Variants in NCOR2 observed in about 807,000 individuals in gnomAD.
NCOR2 encodes nuclear receptor corepressor 2.
In NCOR2, 81 loss-of-function variants were observed where a neutral mutation model predicts 262.9. The ratio of observed to expected loss-of-function variants is 0.31; its 90% CI spans 0.26 to 0.37. The LOEUF (loss-of-function observed/expected upper bound fraction) is 0.37, where lower values mean the gene tolerates loss of function less well. NCOR2 is among the 10% of genes least tolerant of loss of function. The probability of loss-of-function intolerance (pLI) is 1.00; values close to 1 mark genes in which losing one functional copy is unlikely to be tolerated. For synonymous variants in NCOR2, 1,659 were observed against 1,559.3 expected (o/e 1.06, Z -1.51); for missense variants, 3,385 against 3,621.4 (o/e 0.93, Z 1.68).
chr12:124,520,716 A>C (rs1189092609), intron 1 of NCOR2, among the ~76,000 whole-genome samples: 2 of 152,208 alleles, frequency 1.3e-5, no homozygotes, highest in African/African-American at 4.8e-5. Context: ...ACTCATATTC[A>C]GAATAAGCCA....
chr12:124,452,856 C>A (rs955633058), intron 6 of NCOR2, among the ~76,000 whole-genome samples: 9 of 152,296 alleles, frequency 5.9e-5, no homozygotes, highest in East Asian at 3.9e-4. Context: ...CGGTGAGGGG[C>A]CCACAAGGCG....
chr12:124,414,929 T>C (rs1330828829), intron 13 of NCOR2, among the ~76,000 whole-genome samples: 1 of 152,044 alleles, frequency 6.6e-6, no homozygotes, highest in Non-Finnish European at 1.5e-5. Context: ...GTGTGCTCCA[T>C]GGCCAGGGAT....
chr12:124,325,492 G>A lies in NCOR2; in HGVS notation c.7455C>T (p.Ser2485=), dbSNP rs753152333. 4.6e-5 allele frequency: 62 copies of A among 1,359,714 alleles called. No homozygotes were observed. The Middle Eastern group carries it at 1.5e-3, about 33-fold the overall frequency. 84.2% of individuals were successfully genotyped at this position (1,359,714 alleles called of 1,614,324 possible). A position where few individuals can be genotyped will look rare whatever the true frequency, so the allele number is the denominator to read the frequency against. ...CGTGGTGGGGGCCAGCGAGGGGCCC[G>A]CTGCCCGCGGGGAGGCCCGGTGGGG... The change falls in exon 47 of 47, where the codon AGC becomes AGT. Residue 2485 remains serine (S), a synonymous_variant. Coordinates refer to ENST00000405201, the Ensembl canonical transcript of NCOR2.
chr12:124,355,970 A>G (rs543816043), intron 23 of NCOR2, among the ~76,000 whole-genome samples: 1 of 152,130 alleles, frequency 6.6e-6, no homozygotes, highest in Middle Eastern at 3.2e-3. Context: ...CTCAGGAGAA[A>G]GTCTTAGCCC....
intron 7 of NCOR2, among the ~76,000 whole-genome samples, chr12:124,447,189 ACAGG>A (rs1283197735): frequency 6.6e-6 from 1 of 152,254 alleles, no homozygotes; most frequent in Non-Finnish European, 1.5e-5. Context: ...CGCGGGGATT[ACAGG>A]CGTGAGCCAC....
At chr12:124,335,074 C>G in intron 40 of NCOR2, 61 bp downstream of exon 42, 1 of 1,611,092 alleles carries the variant, frequency 6.2e-7, no homozygotes, top group South Asian at 1.1e-5. Context: ...CCCATCCCCT[C>G]TCCAGGCCTG....
chr12:124,374,567 C>A (rs967884861), intron 18 of NCOR2, 104 bp from the exon 21 acceptor site: 17 of 1,070,170 alleles, frequency 1.6e-5, no homozygotes, highest in Non-Finnish European at 2.3e-5. Context: ...CAGTGCACAG[C>A]AGTGAGGCCT....
At chr12:124,407,737 C>T (rs1242230735) in intron 13 of NCOR2, among the ~76,000 whole-genome samples, 1 of 152,248 alleles carries the variant, frequency 6.6e-6, no homozygotes, top group Non-Finnish European at 1.5e-5. Flanking sequence ...AACCCAGCAA[C>T]ACCGTCTGTG....
chr12:124,362,902 A>G (rs57249450), intron 21 of NCOR2, among the ~76,000 whole-genome samples: 1 of 130,628 alleles, frequency 7.7e-6, no homozygotes, highest in African/African-American at 3.0e-5. Flanking sequence ...GCTGCCTGGT[A>G]GTGAACAGGG....
At chr12:124,458,073 G>A (rs928455992) in intron 5 of NCOR2, among the ~76,000 whole-genome samples, 4 of 152,226 alleles carry the variant, frequency 2.6e-5, no homozygotes, top group East Asian at 1.9e-4. Flanking sequence ...GCTGGCACGC[G>A]GGCGAGCCCC....
chr12:124,408,745 T>C (rs775499331), intron 13 of NCOR2, among the ~76,000 whole-genome samples: 3 of 152,198 alleles, frequency 2.0e-5, no homozygotes, highest in Non-Finnish European at 4.4e-5. Context: ...CGAGACTCCA[T>C]CTCTAAAAAA....
Position 124,517,090 on chromosome 12 carries a change from TCCCATGC to T in NCOR2, c.-118+18468_-118+18474del, listed in dbSNP as rs1413851196. Among the ~76,000 whole-genome samples the T allele has an allele frequency of 1.3e-5, 2 of 151,806 alleles. No homozygotes were observed. The highest frequency in any genetic ancestry group is 2.9e-5 in the Non-Finnish European group (2 of 67,944). On this transcript the variant is annotated intron_variant, in intron 1 of 46. Coordinates refer to the NCOR2 transcript ENST00000404621. This position sits in a 1 kb window ranked among gnomAD's most constrained non-coding sequence, Gnocchi z 7.6. ...AAACTGCAGCTCCTTCTCCCGTCAG[TCCCATGC>T]TTGTGTAGACCCCACTGTGCCCCAT...
rs1251663157 is a variant in NCOR2 at position 124,389,318 on chromosome 12, A to G, written c.1877-3431T>C. Among the ~76,000 whole-genome samples, 1 of 151,820 alleles carries G rather than the reference A, an allele frequency of 6.6e-6. No homozygotes were observed. Among genetic ancestry groups the G allele is most frequent in the East Asian group, 2.0e-4 (1 of 5,102 alleles). On this transcript the variant is annotated intron_variant, in intron 16 of 46. Coordinates refer to ENST00000405201, the Ensembl canonical transcript of NCOR2. The surrounding 1 kb of genome is among the most constrained non-coding windows in gnomAD (Gnocchi z 4.4). ...GCTGCCTGACCCAGCGAGACGCGGC[A>G]GGACTGAATGTGACCTCCAGACGGA...
At chr12:124,442,693 G>A (rs1251809980) in intron 7 of NCOR2, among the ~76,000 whole-genome samples, 2 of 152,186 alleles carry the variant, frequency 1.3e-5, no homozygotes, top group Non-Finnish European at 2.9e-5. Flanking sequence ...TAGTACAGGT[G>A]GGAATGTCAC....
At chr12:124,458,107 G>A (rs2045975520) in intron 5 of NCOR2, among the ~76,000 whole-genome samples, 1 of 152,258 alleles carries the variant, frequency 6.6e-6, no homozygotes, top group Admixed American at 6.5e-5. Context: ...CTGCATTGGG[G>A]CAGCCACTCA....
chr12:124,395,498 C>T (rs563987347), intron 16 of NCOR2, among the ~76,000 whole-genome samples: 7 of 152,328 alleles, frequency 4.6e-5, no homozygotes, highest in South Asian at 4.1e-4. Context: ...CCCCAGGGGA[C>T]GCTCACTGCC....
Position 124,350,638 on chromosome 12 carries a change from T to C in NCOR2, c.3793A>G (p.Lys1265Glu), listed in dbSNP as rs750445664. The C allele has an allele frequency of 2.5e-6, 4 of 1,613,988 alleles. No individual in the cohort carries two copies. The South Asian group carries it at 4.4e-5, about 18-fold the overall frequency. The change falls in exon 28 of 47, where the codon AAG (lysine) becomes GAG (glutamate). Residue 1265 changes from lysine to glutamate, a missense_variant. Physicochemically the swap from Lys to Glu is moderately conservative, Grantham distance 56. Transcript: ENST00000405201. ...TTGCCTTCGTAGATGACGTGGCCCT[T>C]GGGCAGGCTGTCCTCCCGGCCGCGG... is the stretch of plus-strand genomic sequence containing the variant.
chr12:124,507,412 GTTGTGC>G (rs2049109560), intron 1 of NCOR2, among the ~76,000 whole-genome samples: 1 of 152,224 alleles, frequency 6.6e-6, no homozygotes, highest in African/African-American at 2.4e-5. Flanking sequence ...GATTGCTAGT[GTTGTGC>G]TTGTGTTGTT....
chr12:124,518,192 A>C (rs1178417180), intron 1 of NCOR2: 3 of 152,266 alleles, frequency 2.0e-5, no homozygotes, highest in African/African-American at 7.3e-5. Context: ...ACTTGAAGTA[A>C]CTCTCTCACA....
Sources: gnomAD v4.1 joint callset for allele counts (sites outside exome capture counted in the v4.1 genomes callset) on GRCh38, gnomAD v4.1.1 for gene constraint, Gnocchi (gnomAD v3.1) non-coding constraint, MANE v1.5 for transcripts, NCBI Gene and HGNC (gene_info 2026-07-23, HGNC 2026-07-21) for gene names.